The following BCL7C variants were observed in gnomAD, a reference collection of about 807,000 sequenced individuals.
The protein encoded by BCL7C is BAF chromatin remodeling complex subunit BCL7C, also known as B-cell CLL/lymphoma 7 protein family member C.
BCL7C carries 8 observed loss-of-function variants against 26.2 expected under a neutral mutation model. The observed-to-expected ratio is 0.30, with a 90% CI of 0.18 to 0.55. The LOEUF is 0.55. BCL7C is among the 20% of genes least tolerant of loss of function. The probability of loss-of-function intolerance (pLI) is 0.93; values close to 1 mark genes in which losing one functional copy is unlikely to be tolerated. For missense variants in BCL7C, 262 were observed against 298.5 expected, an observed-to-expected ratio of 0.88 and a Z score of 0.90; for synonymous variants, 90 against 116.5, an observed-to-expected ratio of 0.77 and a Z score of 1.47.
At chr16:30,879,700 A>AAC (rs1555482421) in intron 5 of BCL7C, among the ~76,000 whole-genome samples, 2 of 135,004 alleles carry the variant, frequency 1.5e-5, no homozygotes, top group Admixed American at 1.5e-4. Flanking sequence ...AAAAAAAAAA[A>AAC]AAAAAAAAAC....
At chr16:30,886,650 A>G (rs1373886487), downstream of BCL7C, among the ~76,000 whole-genome samples, 1 of 152,178 alleles carries the variant, frequency 6.6e-6, no homozygotes, top group Admixed American at 6.5e-5. Flanking sequence ...ATGATGAAAC[A>G]AGGAGAATGA....
At chr16:30,882,947 T>C (rs903340458), downstream of BCL7C, among the ~76,000 whole-genome samples, 1 of 152,094 alleles carries the variant, frequency 6.6e-6, no homozygotes, top group South Asian at 2.1e-4. Context: ...ATGGTAGGAA[T>C]AGGTTGTGGG....
At chr16:30,866,701 C>T (rs1039246751) in intron 5 of BCL7C, among the ~76,000 whole-genome samples, 5 of 151,576 alleles carry the variant, frequency 3.3e-5, no homozygotes, top group East Asian at 1.9e-4. Context: ...TAAAATAAGG[C>T]GGAAAGAAAG....
chr16:30,864,936 A>G (rs2054812096), intron 5 of BCL7C, among the ~76,000 whole-genome samples: 1 of 147,858 alleles, frequency 6.8e-6, no homozygotes, highest in Admixed American at 7.1e-5. Context: ...TGGGAGGCCG[A>G]GGTTGGCGGA....
At chr16:30,850,194 A>G (rs2054664016) in intron 5 of BCL7C, among the ~76,000 whole-genome samples, 1 of 142,816 alleles carries the variant, frequency 7.0e-6, no homozygotes, top group Non-Finnish European at 1.5e-5. Context: ...TGGGTGACTG[A>G]GCGAGACTCC....
intron 5 of BCL7C, among the ~76,000 whole-genome samples, chr16:30,868,046 C>G (rs2054844126): frequency 6.6e-6 from 1 of 151,552 alleles, no homozygotes; most frequent in African/African-American, 2.4e-5. Context: ...AATCTCTTGT[C>G]CAACAGAAAC....
intron 5 of BCL7C, among the ~76,000 whole-genome samples, chr16:30,867,958 C>T (rs1053246966): frequency 6.6e-6 from 1 of 151,960 alleles, no homozygotes; most frequent in African/African-American, 2.4e-5. Context: ...CCCCTAGAGC[C>T]TCCAGGAGGG....
At chr16:30,844,501 C>T (rs188497685) in intron 5 of BCL7C, among the ~76,000 whole-genome samples, 128 of 152,248 alleles carry the variant, frequency 8.4e-4, no homozygotes, top group African/African-American at 4.1e-4. Flanking sequence ...CACAGTCATT[C>T]TCCGAGATCC....
At chr16:30,845,072 C>A (rs2054625861) in intron 5 of BCL7C, among the ~76,000 whole-genome samples, 1 of 152,160 alleles carries the variant, frequency 6.6e-6, no homozygotes, top group Admixed American at 6.5e-5. Flanking sequence ...TTACCACGTT[C>A]CCTCCCCCAA....
chr16:30,837,486 T>A (rs2054577136), intron 5 of BCL7C, among the ~76,000 whole-genome samples: 1 of 152,094 alleles, frequency 6.6e-6, no homozygotes, highest in Non-Finnish European at 1.5e-5. Context: ...TAGCTGGGAT[T>A]ACAGGCGCCC....
intron 5 of BCL7C, among the ~76,000 whole-genome samples, chr16:30,856,811 G>A (rs1445754571): frequency 3.3e-5 from 5 of 152,170 alleles, no homozygotes; most frequent in African/African-American, 9.7e-5. Context: ...AGGTGAGAGC[G>A]TAGGGACTTC....
intron 5 of BCL7C, among the ~76,000 whole-genome samples, chr16:30,842,567 A>G (rs1307464213): frequency 1.3e-5 from 2 of 152,070 alleles, no homozygotes; most frequent in Non-Finnish European, 1.5e-5. Context: ...CCTGGATGAA[A>G]TGTTATTTAT....
intron 5 of BCL7C, among the ~76,000 whole-genome samples, chr16:30,854,728 A>G (rs2054705074): frequency 7.0e-6 from 1 of 143,280 alleles, no homozygotes; most frequent in Admixed American, 7.0e-5. Context: ...TTTTTCTGAG[A>G]AACAGTCTCG....
intron 5 of BCL7C, among the ~76,000 whole-genome samples, chr16:30,861,846 T>TG (rs1158607089): frequency 1.3e-5 from 2 of 149,386 alleles, no homozygotes; most frequent in Non-Finnish European, 3.0e-5. Flanking sequence ...GGTGCCAACT[T>TG]GGACAACATG....
At chr16:30,841,487 A>G (rs1245737512) in intron 5 of BCL7C, among the ~76,000 whole-genome samples, 1 of 151,974 alleles carries the variant, frequency 6.6e-6, no homozygotes, top group Non-Finnish European at 1.5e-5. Context: ...GAGGGCCATC[A>G]CTCCCTGGCT....
chr16:30,860,573 A>G (rs1217592340), intron 5 of BCL7C, among the ~76,000 whole-genome samples: 3 of 152,194 alleles, frequency 2.0e-5, no homozygotes, highest in Non-Finnish European at 4.4e-5. Context: ...ACCCCAATAC[A>G]AACTCGACAA....
At chr16:30,885,324 G>C (rs1440364291), downstream of BCL7C, among the ~76,000 whole-genome samples, 1 of 152,068 alleles carries the variant, frequency 6.6e-6, no homozygotes, top group South Asian at 2.1e-4. Context: ...CCTCTGGAGG[G>C]AACTACTGCT....
chr16:30,849,608 G>T (rs1400331952), intron 5 of BCL7C, among the ~76,000 whole-genome samples: 1 of 151,854 alleles, frequency 6.6e-6, no homozygotes, highest in Admixed American at 6.6e-5. Flanking sequence ...CCTGCCACCT[G>T]CCTGGCTAAT....
chr16:30,842,833 G>T (rs2054611075), intron 5 of BCL7C, among the ~76,000 whole-genome samples: 2 of 152,176 alleles, frequency 1.3e-5, no homozygotes, highest in Admixed American at 6.6e-5. Flanking sequence ...CTCCCAAAGT[G>T]CTGGGATTAC....
Sources: gnomAD v4.1 joint callset for allele counts (sites outside exome capture counted in the v4.1 genomes callset) on GRCh38, gnomAD v4.1.1 for gene constraint, MANE v1.5 for transcripts, NCBI Gene and HGNC (gene_info 2026-07-23, HGNC 2026-07-21) for gene names.